Variants in GRM5 observed in about 807,000 individuals in gnomAD.
GRM5 encodes the protein glutamate metabotropic receptor 5.
Under a neutral mutation model 83.1 loss-of-function variants are expected in GRM5, and 19 were observed. That is an observed-to-expected ratio of 0.23 (90% CI 0.16 to 0.34). The LOEUF (loss-of-function observed/expected upper bound fraction) is 0.34, where lower values mean the gene tolerates loss of function less well. Ranked by LOEUF, GRM5 falls within the 10% of genes least tolerant of loss-of-function variation. The pLI is 1.00. For synonymous variants in GRM5, 675 were observed against 633.6 expected (o/e 1.07, Z -0.98); for missense variants, 1,160 against 1,588.3 (o/e 0.73, Z 4.58).
At chr11:88,868,865 G>A (rs1320007448) in intron 2 of GRM5, among the ~76,000 whole-genome samples, 5 of 151,686 alleles carry the variant, frequency 3.3e-5, no homozygotes, top group African/African-American at 1.2e-4. Context: ...AATAGCTAAA[G>A]CACCTTGATT....
chr11:89,054,286 G>A (rs1591081886), intron 1 of GRM5, among the ~76,000 whole-genome samples: 2 of 152,238 alleles, frequency 1.3e-5, no homozygotes, highest in Admixed American at 6.5e-5. Flanking sequence ...GTAGGATGTT[G>A]GAGAAAGAGA....
chr11:88,983,630 A>G (rs1354491898), intron 2 of GRM5, among the ~76,000 whole-genome samples: 4 of 152,168 alleles, frequency 2.6e-5, no homozygotes, highest in African/African-American at 9.7e-5. Flanking sequence ...CTCATTAATG[A>G]CAATAAATCA....
intron 8 of GRM5, among the ~76,000 whole-genome samples, chr11:88,547,644 A>G (rs973586559): frequency 1.3e-5 from 2 of 152,256 alleles, no homozygotes; most frequent in Admixed American, 1.3e-4. Context: ...TCAGACTGAC[A>G]GGCAAATATT....
At chr11:88,532,733 A>C (rs527690365) in intron 8 of GRM5, among the ~76,000 whole-genome samples, 1 of 152,322 alleles carries the variant, frequency 6.6e-6, no homozygotes, top group East Asian at 1.9e-4. Flanking sequence ...TACAAACTGA[A>C]GACATTCTGT....
chr11:88,991,460 G>A (rs1313149028), intron 2 of GRM5, among the ~76,000 whole-genome samples: 1 of 151,936 alleles, frequency 6.6e-6, no homozygotes, highest in African/African-American at 2.4e-5. Context: ...TAGATTCAAT[G>A]CCATCCCCAT....
chr11:88,836,445 G>A (rs1005020722), intron 3 of GRM5, among the ~76,000 whole-genome samples: 1 of 152,188 alleles, frequency 6.6e-6, no homozygotes, highest in Non-Finnish European at 1.5e-5. Flanking sequence ...ATCTGTGTGT[G>A]TGTGTATATA....
intron 3 of GRM5, among the ~76,000 whole-genome samples, chr11:88,727,462 A>G (rs1941709741): frequency 6.6e-6 from 1 of 152,198 alleles, no homozygotes; most frequent in African/African-American, 2.4e-5. Flanking sequence ...TGCACTGTCA[A>G]TATTAGAGAG....
intron 3 of GRM5, among the ~76,000 whole-genome samples, chr11:88,733,269 T>A (rs72966407): frequency 6.6e-6 from 1 of 151,984 alleles, no homozygotes; most frequent in South Asian, 2.1e-4. Context: ...CAGCTGCCAA[T>A]TAAAAAGAGT....
At chr11:88,766,523 AC>A (rs58713099) in intron 3 of GRM5, among the ~76,000 whole-genome samples, 4,371 of 151,948 alleles carry the variant, frequency 0.029, 212 homozygotes, top group African/African-American at 0.1. Context: ...TGAAACTAGA[AC>A]CCTACTTTAC....
intron 3 of GRM5, among the ~76,000 whole-genome samples, chr11:88,706,977 G>C (rs1941175245): frequency 1.3e-5 from 2 of 152,074 alleles, no homozygotes; most frequent in African/African-American, 2.4e-5. Context: ...TTGAGGATCA[G>C]TGAAGTAGAA....
chr11:88,905,020 G>A (rs1945380090), intron 2 of GRM5, among the ~76,000 whole-genome samples: 1 of 152,160 alleles, frequency 6.6e-6, no homozygotes, highest in African/African-American at 2.4e-5. Context: ...CTGCCGAATT[G>A]TGAATTTAAT....
intron 3 of GRM5, among the ~76,000 whole-genome samples, chr11:88,712,397 G>A (rs1326290490): frequency 1.3e-5 from 2 of 151,916 alleles, no homozygotes; most frequent in African/African-American, 4.8e-5. Flanking sequence ...GTTATGGTTT[G>A]GTAGAGAAAT....
intron 3 of GRM5, among the ~76,000 whole-genome samples, chr11:88,718,551 A>G (rs1188756312): frequency 6.6e-6 from 1 of 152,068 alleles, no homozygotes; most frequent in East Asian, 1.9e-4. Flanking sequence ...AGGAGGAAAC[A>G]TATTTTATTA....
rs181106597 is a variant in GRM5, at chr11:88,833,998, T to C, written c.911+15908A>G. On this transcript the variant is annotated intron_variant, in intron 3 of 9. Coordinates refer to ENST00000305447, the MANE Select transcript of GRM5 (RefSeq NM_001143831.3). ...GGCGTAAATAAGAGAGGTTGGTTAA[T>C]GGGTAAAAACAATTGTACAATTAGA... Among the ~76,000 whole-genome samples, 228 of 152,264 alleles carry C rather than the reference T, an allele frequency of 1.5e-3. 1 individual carries two copies. The highest frequency in any genetic ancestry group is 5.1e-3 in the African/African-American group (213 of 41,562).
Position 88,998,756 on chromosome 11 carries a change from T to TA in GRM5, c.661+48455dup, listed in dbSNP as rs1940273640. Among the ~76,000 whole-genome samples the TA allele has an allele frequency of 2.0e-5, 3 of 152,300 alleles. No individual in the cohort carries two copies. In the South Asian group the frequency reaches 6.2e-4, roughly 32 times the overall value. ...AAAGCTTCAGTATTCATGATAAACATAAAAATCAAATGTATTTTTATATAC... is the reference window on the plus strand; with the variant it reads ...AAAGCTTCAGTATTCATGATAAACATAAAAAATCAAATGTATTTTTATATAC... On this transcript the variant is annotated intron_variant, in intron 2 of 9. Transcript: ENST00000305447.
chr11:88,709,183 T>C lies in GRM5; in HGVS notation c.912-55780A>G, dbSNP rs1941229342. ...GCACTCCAAAGGAGGAGTTGCTTAG[T>C]GATATGGACCAAGGGAGGAGGAAAT... On this transcript the variant is annotated intron_variant, in intron 3 of 9. Transcript: ENST00000305447. Among the ~76,000 whole-genome samples, 3 of 151,882 alleles carry C rather than the reference T, an allele frequency of 2.0e-5. No homozygotes were observed. The South Asian group carries it at 6.2e-4, about 32-fold the overall frequency.
At chr11:88,557,913 G>A (rs988901618) in intron 8 of GRM5, among the ~76,000 whole-genome samples, 3 of 152,024 alleles carry the variant, frequency 2.0e-5, no homozygotes, top group African/African-American at 7.2e-5. Context: ...TTCAACTCAA[G>A]TGTCACCTTT....
intron 3 of GRM5, among the ~76,000 whole-genome samples, chr11:88,812,787 T>C (rs11021426): frequency 0.025 from 3,878 of 152,208 alleles, 173 homozygotes; most frequent in African/African-American, 0.089. Flanking sequence ...GCTCCAAGAA[T>C]TAAAATACTC....
intron 7 of GRM5, among the ~76,000 whole-genome samples, chr11:88,579,898 T>G (rs1943188675): frequency 1.3e-5 from 2 of 152,174 alleles, no homozygotes; most frequent in South Asian, 4.1e-4. Flanking sequence ...AAGGGTAGAA[T>G]CAAGGAGAAA....
Sources: allele counts gnomAD v4.1 joint callset (sites outside exome capture counted in the v4.1 genomes callset), GRCh38; gene constraint gnomAD v4.1.1; transcripts MANE v1.5; gene names NCBI Gene and HGNC (gene_info 2026-07-23, HGNC 2026-07-21).